The following HSPA12A variants were observed in gnomAD, a reference collection of about 807,000 sequenced individuals.
HSPA12A encodes the protein heat shock protein family A (Hsp70) member 12A, also known as heat shock 70 kDa protein 12A.
A neutral mutation model predicts 69.2 loss-of-function variants in HSPA12A; 28 were observed. That is an observed-to-expected ratio of 0.40 (90% confidence interval 0.30 to 0.55). HSPA12A has a LOEUF of 0.55. Among genes scored for constraint, HSPA12A ranks in the 20% least tolerant of loss-of-function variants. HSPA12A has a pLI of 0.38. For missense variants in HSPA12A, 686 were observed against 900.7 expected, an observed-to-expected ratio of 0.76 and a Z score of 3.05; for synonymous variants, 345 against 370.5, an observed-to-expected ratio of 0.93 and a Z score of 0.79.
At chr10:116,761,228 G>A (rs781906298) in intron 2 of HSPA12A, among the ~76,000 whole-genome samples, 7 of 152,094 alleles carry the variant, frequency 4.6e-5, no homozygotes, top group Non-Finnish European at 7.4e-5. Flanking sequence ...GCTCATGCCT[G>A]TAATCCCAGC....
In HSPA12A at chr10:116,672,006, A is replaced by G. The variant is rs1437418341; in HGVS notation, c.*2775T>C. On this transcript the variant is annotated 3_prime_UTR_variant, in exon 12 of 12. Coordinates refer to ENST00000369209, the MANE Select transcript of HSPA12A (RefSeq NM_025015.3). Reference sequence around the variant, plus strand: ...AGAAGATAAAATTATCATCCTCTCCATCACCTATCTGCCAACACTGCAGAT... The same window carrying G: ...AGAAGATAAAATTATCATCCTCTCCGTCACCTATCTGCCAACACTGCAGAT... 6.6e-6 allele frequency: 1 copy of G among 152,236 alleles called. No individual in the cohort carries two copies. Among genetic ancestry groups the G allele is most frequent in the East Asian group, 1.9e-4 (1 of 5,192 alleles). 9.4% of individuals were successfully genotyped at this position (152,236 alleles called of 1,614,324 possible). A position where few individuals can be genotyped will look rare whatever the true frequency, so the allele number is the denominator to read the frequency against.
intron 2 of HSPA12A, among the ~76,000 whole-genome samples, chr10:116,764,328 T>C (rs555220015): frequency 2.1e-4 from 32 of 152,158 alleles, no homozygotes; most frequent in Non-Finnish European, 4.0e-4. Flanking sequence ...GGAAACAACA[T>C]AAATGATCAT....
At chr10:116,700,892 G>A (rs1554881536) in intron 4 of HSPA12A, 51 bp downstream of exon 4, 2 of 1,578,828 alleles carry the variant, frequency 1.3e-6, no homozygotes, top group Admixed American at 3.4e-5. Context: ...GCTGGAGGAA[G>A]CTTGGCACTC....
At chr10:116,841,241 T>A (rs1231424518) in intron 1 of HSPA12A, among the ~76,000 whole-genome samples, 1 of 152,224 alleles carries the variant, frequency 6.6e-6, no homozygotes, top group African/African-American at 2.4e-5. Context: ...GCAGTTAAAA[T>A]TGTAGCTCAG....
At chr10:116,759,716 A>G (rs1554889120) in intron 2 of HSPA12A, among the ~76,000 whole-genome samples, 22 of 152,136 alleles carry the variant, frequency 1.4e-4, no homozygotes. Context: ...TCTGCTTGAT[A>G]TGGTTTGGCT....
chr10:116,713,467 T>G (rs1850509134), intron 1 of HSPA12A, among the ~76,000 whole-genome samples: 1 of 152,128 alleles, frequency 6.6e-6, no homozygotes. Flanking sequence ...GACAGTAGCA[T>G]CAAGCCCAGG....
At chr10:116,788,239 GC>G (rs1844622737) in intron 2 of HSPA12A, among the ~76,000 whole-genome samples, 3 of 152,150 alleles carry the variant, frequency 2.0e-5, no homozygotes, top group Admixed American at 2.0e-4. Context: ...TGCAAACGCC[GC>G]CCTCTGGTGG....
chr10:116,846,344 G>GT (rs1554898162), intron 1 of HSPA12A, among the ~76,000 whole-genome samples: 4 of 133,778 alleles, frequency 3.0e-5, no homozygotes, highest in Admixed American at 7.4e-5. Flanking sequence ...TTTTTTTTTT[G>GT]TTTTTTTGTT....
chr10:116,709,752 G>A (rs1423046013), intron 1 of HSPA12A, among the ~76,000 whole-genome samples: 3 of 152,126 alleles, frequency 2.0e-5, no homozygotes, highest in Admixed American at 1.3e-4. Flanking sequence ...TTGGGGTAGT[G>A]AAAAATTTTG....
At chr10:116,681,371 A>C in intron 8 of HSPA12A, 115 bp from the exon 9 acceptor site, 4 of 773,364 alleles carry the variant, frequency 5.2e-6, no homozygotes, top group South Asian at 1.5e-5. Flanking sequence ...TCTCATTAGC[A>C]CAATGGTTTT....
At chr10:116,849,813 C>G, upstream of HSPA12A, 2 of 1,412,292 alleles carry the variant, frequency 1.4e-6, no homozygotes, top group Non-Finnish European at 1.9e-6. Context: ...GCGCCTGCGC[C>G]TGCGCCTCAG....
intron 10 of HSPA12A, among the ~76,000 whole-genome samples, chr10:116,678,137 T>C (rs1176023574): frequency 6.6e-6 from 1 of 151,916 alleles, no homozygotes; most frequent in Non-Finnish European, 1.5e-5. Context: ...GAAGGAGTGA[T>C]GGACCAAGAT....
intron 1 of HSPA12A, among the ~76,000 whole-genome samples, chr10:116,734,756 G>A (rs1360526701): frequency 1.3e-5 from 2 of 151,800 alleles, no homozygotes; most frequent in Non-Finnish European, 2.9e-5. Context: ...CACTTTGGGA[G>A]GCCGAGGAGG....
rs368954244 is a variant in HSPA12A, at chr10:116,822,656, G to C, written c.91+12279C>G. On this transcript the variant is annotated intron_variant, in intron 2 of 12. Coordinates refer to the HSPA12A transcript ENST00000635765. ...GAGGCTACAATTTAATGTTCTCAGAGAGAGGTTCTGAATTCAGGACTTCAA... is the reference window on the plus strand; with the variant it reads ...GAGGCTACAATTTAATGTTCTCAGACAGAGGTTCTGAATTCAGGACTTCAA... Among the ~76,000 whole-genome samples the C allele has an allele frequency of 2.0e-5, 3 of 152,292 alleles. No homozygotes were observed. The East Asian group carries it at 5.8e-4, about 29-fold the overall frequency.
chr10:116,758,874 G>T (rs556299306), intron 2 of HSPA12A, among the ~76,000 whole-genome samples: 1 of 152,278 alleles, frequency 6.6e-6, no homozygotes. Flanking sequence ...GGAATGCTCT[G>T]GGGTGAAGGC....
At chr10:116,713,394 G>A (rs1434935644) in intron 1 of HSPA12A, among the ~76,000 whole-genome samples, 1 of 152,088 alleles carries the variant, frequency 6.6e-6, no homozygotes, top group Non-Finnish European at 1.5e-5. Context: ...AACACTGAGT[G>A]TAAAATAACC....
intron 1 of HSPA12A, among the ~76,000 whole-genome samples, chr10:116,849,008 G>C (rs1247074281): frequency 6.6e-6 from 1 of 152,186 alleles, no homozygotes; most frequent in African/African-American, 2.4e-5. Context: ...CCGAATGAAA[G>C]AATTCCTGAG....
intron 2 of HSPA12A, among the ~76,000 whole-genome samples, chr10:116,824,033 T>C (rs1589726869): frequency 6.6e-6 from 1 of 152,288 alleles, no homozygotes; most frequent in East Asian, 1.9e-4. Context: ...ATCTAAAATA[T>C]ATAAAGAACT....
intron 2 of HSPA12A, among the ~76,000 whole-genome samples, chr10:116,706,263 A>G (rs1339700978): frequency 6.6e-6 from 1 of 150,908 alleles, no homozygotes; most frequent in Non-Finnish European, 1.5e-5. Context: ...TATAAAACCA[A>G]CAAATGTTGG....
Sources: allele counts gnomAD v4.1 joint callset (sites outside exome capture counted in the v4.1 genomes callset), GRCh38; gene constraint gnomAD v4.1.1; transcripts MANE v1.5; gene names NCBI Gene and HGNC (gene_info 2026-07-23, HGNC 2026-07-21).